CCNE2: variants seen among roughly 807,000 people sequenced by gnomAD.
The protein encoded by CCNE2 is cyclin E2, also known as G1/S-specific cyclin-E2.
In CCNE2, 18 loss-of-function variants were observed where a neutral mutation model predicts 56.8. The ratio of observed to expected loss-of-function variants is 0.32; its 90% confidence interval spans 0.22 to 0.47. The LOEUF is 0.47. Ranked by LOEUF, CCNE2 falls within the 20% of genes least tolerant of loss-of-function variation. The pLI, the probability that CCNE2 is intolerant of heterozygous loss-of-function variation, is 1.00. For synonymous variants in CCNE2, 139 were observed against 149.2 expected (o/e 0.93, Z 0.50); for missense variants, 371 against 467.1 (o/e 0.79, Z 1.90).
At chr8:94,895,322 G>C, upstream of CCNE2, 2 of 924,532 alleles carry the variant, frequency 2.2e-6, no homozygotes, top group Non-Finnish European at 2.6e-6. Flanking sequence ...CCGCGTGCCC[G>C]CGCGCCGCGC....
chr8:94,893,362 T>C, intron 4 of CCNE2: 1 of 164,356 alleles, frequency 6.1e-6, no homozygotes, highest in Non-Finnish European at 1.3e-5. Context: ...AAAAGTGTGC[T>C]CTGATACTTT....
chr8:94,887,993 C>A lies in CCNE2; in HGVS notation c.534G>T (p.Lys178Asn), dbSNP rs779997327. ...DFFDRFMLTQ[K>N]DINKNMLQLI... ...GTTGAAGCATATTTTTATTTATATCCTTTTGTGTCAACATAAATCTATCAA... is the reference window on the plus strand; with the variant it reads ...GTTGAAGCATATTTTTATTTATATCATTTTGTGTCAACATAAATCTATCAA... The change falls in exon 7 of 12, where the codon AAG becomes AAT. Residue 178 changes from lysine (K) to asparagine (N), a missense_variant. By Grantham distance (94) the Lys-to-Asn change is moderately conservative (BLOSUM62 0). Transcript: ENST00000308108. 6.3e-7 allele frequency: 1 copy of A among 1,594,396 alleles called. No homozygotes were observed. The highest frequency in any genetic ancestry group is 8.6e-7 in the Non-Finnish European group (1 of 1,168,540).
At chr8:94,884,918 G>C in intron 9 of CCNE2, 149 bp downstream of exon 9, 2 of 611,884 alleles carry the variant, frequency 3.3e-6, no homozygotes, top group Non-Finnish European at 5.5e-6. Flanking sequence ...ATAAACACTG[G>C]GGACAGAACT....
rs1261097516 is a variant in CCNE2 at position 94,881,101 on chromosome 8, T to C, written c.*531A>G. On this transcript the variant is annotated 3_prime_UTR_variant, in exon 12 of 12. Transcript: ENST00000308108. Reference sequence around the variant, plus strand: ...AAATTCAAGTTTTATAATAGCTTGCTATAGCAGCTATAGATAAATTAGTCA... The same window carrying C: ...AAATTCAAGTTTTATAATAGCTTGCCATAGCAGCTATAGATAAATTAGTCA... The C allele has an allele frequency of 2.5e-6, 1 of 397,036 alleles. No homozygotes were observed. Among genetic ancestry groups the C allele is most frequent in the Non-Finnish European group, 4.4e-6 (1 of 225,190 alleles). 24.6% of individuals were successfully genotyped at this position (397,036 alleles called of 1,614,324 possible).
At position 94,884,694 on chromosome 8, in the gene CCNE2, A is replaced by G. The variant is rs190224027; in HGVS notation, c.831+373T>C. 455 of 156,794 alleles carry G rather than the reference A, an allele frequency of 2.9e-3. 2 individuals are homozygous for G. The highest frequency in any genetic ancestry group is 0.02 in the Middle Eastern group (6 of 302). The allele number at this position is 156,794 out of a possible 1,614,324, so 9.7% of individuals were successfully genotyped here. A position where few individuals can be genotyped will look rare whatever the true frequency, so the allele number is the denominator to read the frequency against. Reference sequence around the variant, plus strand: ...AAATTTTTTTAACAAAGTAATTTTAATTCTGATATTTAACTTGATAGGCAC... The same window carrying G: ...AAATTTTTTTAACAAAGTAATTTTAGTTCTGATATTTAACTTGATAGGCAC... On this transcript the variant is annotated intron_variant, in intron 9 of 11. Coordinates refer to ENST00000308108, the MANE Select transcript of CCNE2 (RefSeq NM_057749.3).
chr8:94,890,873 C>T (rs931110039), intron 5 of CCNE2, among the ~76,000 whole-genome samples: 28 of 152,028 alleles, frequency 1.8e-4, no homozygotes, highest in African/African-American at 5.3e-4. Flanking sequence ...GGATTACAGG[C>T]GTGACCCACC....
intron 10 of CCNE2, 71 bp downstream of exon 10, chr8:94,882,710 T>C (rs909278472): frequency 3.0e-6 from 3 of 1,014,766 alleles, no homozygotes; most frequent in Admixed American, 2.2e-5. Context: ...TAGCAGAATG[T>C]TAAAGTTCAG....
chr8:94,882,266 C>G lies in CCNE2; in HGVS notation c.967G>C (p.Glu323Gln), dbSNP rs141602286. Reference protein sequence around the residue: ...ASGLEWDSISECVDWMVPFVN... With the variant: ...ASGLEWDSISQCVDWMVPFVN... ...AAAGGTACCATCCAATCTACACATT[C>G]TGAAATACTGTCCCACTCCAAACCT... Residue 323 changes from glutamate (E) to glutamine (Q), a missense_variant, in exon 11 of 12, where the codon GAA becomes CAA. Coordinates refer to ENST00000308108, the MANE Select transcript of CCNE2 (RefSeq NM_057749.3). The G allele has an allele frequency of 1.3e-4, 202 of 1,610,442 alleles. 2 individuals carry two copies. The highest frequency in any genetic ancestry group is 1.2e-3 in the South Asian group (113 of 90,428).
Position 94,880,663 on chromosome 8 carries a change from A to G in CCNE2, c.*969T>C, listed in dbSNP as rs1227244263. The G allele has an allele frequency of 5.1e-6, 2 of 391,828 alleles. No homozygotes were observed. Among genetic ancestry groups the G allele is most frequent in the Non-Finnish European group, 9.0e-6 (2 of 222,582 alleles). 24.3% of individuals were successfully genotyped at this position (391,828 alleles called of 1,614,324 possible). A position where few individuals can be genotyped will look rare whatever the true frequency, so the allele number is the denominator to read the frequency against. On this transcript the variant is annotated 3_prime_UTR_variant, in exon 12 of 12. Transcript: ENST00000308108. Reference sequence around the variant, plus strand: ...AAAATAGAAGTTTAGGTCAAGTGTTAAGCTTTATCACTTTGACACTGTCCT... The same window carrying G: ...AAAATAGAAGTTTAGGTCAAGTGTTGAGCTTTATCACTTTGACACTGTCCT...
Position 94,894,963 on chromosome 8 carries a change from C to T in CCNE2, c.-27+214G>A, listed in dbSNP as rs548648701. ...CCCAAATGAGGGTGGGATAGAGAAGCCCCTAGAATGAGGGGCGGCTCTCCA... is the reference window on the plus strand; with the variant it reads ...CCCAAATGAGGGTGGGATAGAGAAGTCCCTAGAATGAGGGGCGGCTCTCCA... On this transcript the variant is annotated intron_variant, in intron 1 of 11. Coordinates refer to ENST00000308108, the MANE Select transcript of CCNE2 (RefSeq NM_057749.3). 4.4e-4 allele frequency among the ~76,000 whole-genome samples: 67 copies of T among 152,318 alleles called. 1 individual carries two copies. The highest frequency in any genetic ancestry group is 1.6e-3 in the African/African-American group (65 of 41,588).
chr8:94,887,914 T>A lies in CCNE2; in HGVS notation c.600+13A>T. The A allele has an allele frequency of 6.4e-7, 1 of 1,550,562 alleles. No individual in the cohort carries two copies. The highest frequency in any genetic ancestry group is 8.7e-7 in the Non-Finnish European group (1 of 1,154,490). ...GGATAAATATATCTAAGGATAAACT[T>A]TTAAGAACTTACCTCAAGTTTGGAA... On this transcript the variant is annotated intron_variant, in intron 7 of 11. Coordinates refer to ENST00000308108, the MANE Select transcript of CCNE2 (RefSeq NM_057749.3).
At chr8:94,882,101 G>C in intron 11 of CCNE2, 31 bp downstream of exon 11, 1 of 1,573,912 alleles carries the variant, frequency 6.4e-7, no homozygotes, top group Non-Finnish European at 8.6e-7. Context: ...GATTCAGATA[G>C]CAAAGCCAAA....
At position 94,885,480 on chromosome 8, in the gene CCNE2, C is replaced by A; in HGVS notation, c.679G>T (p.Glu227Ter). The change falls in exon 8 of 12, where the codon GAA becomes TAA. Residue 227 changes from glutamate to a stop codon, truncating the protein, a stop_gained. Transcript: ENST00000308108. LOFTEE classifies it high-confidence loss of function. ...ACSEEDILRMELIILKALKWE... is the reference protein window; with the variant it reads ...ACSEEDILRM ...ATTATTACCTTTAATATAATGAGTT[C>A]CATCCTTAAGATATCCTCTTCACTG... 1 of 1,595,902 alleles carries A rather than the reference C, an allele frequency of 6.3e-7. No homozygotes were observed. The highest frequency in any genetic ancestry group is 8.6e-7 in the Non-Finnish European group (1 of 1,166,454).
Position 94,882,295 on chromosome 8 carries a change from TAGATAGA to T in CCNE2, c.944-13_944-7del. 1 of 1,582,422 alleles carries T rather than the reference TAGATAGA, an allele frequency of 6.3e-7. No individual in the cohort carries two copies. Among genetic ancestry groups the T allele is most frequent in the Non-Finnish European group, 8.6e-7 (1 of 1,165,390 alleles). On this transcript the variant is annotated splice_region_variant and splice_polypyrimidine_tract_variant and intron_variant, in intron 10 of 11. Coordinates refer to ENST00000308108, the MANE Select transcript of CCNE2 (RefSeq NM_057749.3). ...AATACTGTCCCACTCCAAACCTAGA[TAGATAGA>T]AAAAAGTTAGAAAAGCATGAAGGTT...
Position 94,888,080 on chromosome 8 carries a change from A to C in CCNE2, c.454-7T>G. 3 of 1,524,064 alleles carry C rather than the reference A, an allele frequency of 2.0e-6. No homozygotes were observed. The East Asian group carries it at 7.2e-5, about 37-fold the overall frequency. 94.4% of individuals were successfully genotyped at this position (1,524,064 alleles called of 1,614,324 possible). A position where few individuals can be genotyped will look rare whatever the true frequency, so the allele number is the denominator to read the frequency against. On this transcript the variant is annotated splice_region_variant and splice_polypyrimidine_tract_variant and intron_variant, in intron 6 of 11. Transcript: ENST00000308108. The stretch of plus-strand genomic sequence containing the variant: ...GTGTGTATACTTCACATACCTAGAG[A>C]AGAATCCAAACATTTAAATATTATC...
rs139028384 is a variant in CCNE2, at chr8:94,893,280, A to G, written c.166-311T>C. Among the ~76,000 whole-genome samples the G allele has an allele frequency of 3.0e-3, 459 of 152,162 alleles. 5 individuals are homozygous for G. Among genetic ancestry groups the G allele is most frequent in the African/African-American group, 0.01 (431 of 41,530 alleles). ...AAATACTAATCACTTTCAAGATCAC[A>G]GAATCGTTCTCTGTATCTAGCAATA... On this transcript the variant is annotated intron_variant, in intron 4 of 11. Coordinates refer to ENST00000308108, the MANE Select transcript of CCNE2 (RefSeq NM_057749.3).
At chr8:94,883,807 G>A in intron 9 of CCNE2, 5 of 446,050 alleles carry the variant, frequency 1.1e-5, no homozygotes, top group Non-Finnish European at 2.3e-5. Context: ...CAGTGGAATG[G>A]TATAGTGTAA....
At position 94,890,398 on chromosome 8, in the gene CCNE2, G is replaced by A. The variant is rs556894700; in HGVS notation, c.453+17C>T. 6.5e-7 allele frequency: 1 copy of A among 1,542,826 alleles called. No homozygotes were observed. Among genetic ancestry groups the A allele is most frequent in the Non-Finnish European group, 8.7e-7 (1 of 1,146,284 alleles). On this transcript the variant is annotated intron_variant, in intron 6 of 11. Transcript: ENST00000308108. Reference sequence around the variant, plus strand: ...CATCATACAGAGACAAAGGAAATTTGTATTGCTGTAACATACCTCTAAAAG... The same window carrying A: ...CATCATACAGAGACAAAGGAAATTTATATTGCTGTAACATACCTCTAAAAG...
intron 5 of CCNE2, among the ~76,000 whole-genome samples, chr8:94,890,792 C>A (rs953725127): frequency 1.1e-4 from 17 of 151,950 alleles, no homozygotes; most frequent in Admixed American, 1.3e-4. Flanking sequence ...TGGGGTTTCA[C>A]CATGTTGGCT....
Sources: gnomAD v4.1 joint callset for allele counts (sites outside exome capture counted in the v4.1 genomes callset) on GRCh38, gnomAD v4.1.1 for gene constraint, MANE v1.5 for transcripts, NCBI Gene and HGNC (gene_info 2026-07-23, HGNC 2026-07-21) for gene names.